The following PADI4 variants were observed in gnomAD, a reference collection of about 807,000 sequenced individuals.
The protein encoded by PADI4 is peptidyl arginine deiminase 4, also known as protein-arginine deiminase type-4.
PADI4 carries 62 observed loss-of-function variants against 75.0 expected under a neutral mutation model. The ratio of observed to expected loss-of-function variants is 0.83; its 90% CI spans 0.67 to 1.02. The LOEUF is 1.02. Among genes scored for constraint, PADI4 ranks in the 50% least tolerant of loss-of-function variants. The probability of loss-of-function intolerance (pLI) is 0.00; values close to 1 mark genes in which losing one functional copy is unlikely to be tolerated. For missense variants in PADI4, 845 were observed against 850.5 expected (o/e 0.99, Z 0.08); for synonymous variants, 361 against 348.1 (o/e 1.04, Z -0.41).
At chr1:17,332,777 G>A (rs1014248148) in intron 2 of PADI4, among the ~76,000 whole-genome samples, 8 of 152,136 alleles carry the variant, frequency 5.3e-5, no homozygotes, top group African/African-American at 1.7e-4. Context: ...TCTCCCTGGG[G>A]GAACACAGAG....
chr1:17,339,354 T>C (rs1192559672), intron 5 of PADI4, among the ~76,000 whole-genome samples: 1 of 152,186 alleles, frequency 6.6e-6, no homozygotes, highest in East Asian at 1.9e-4. Flanking sequence ...CTGCTGGTCA[T>C]TGTTCTAGGG....
intron 1 of PADI4, among the ~76,000 whole-genome samples, chr1:17,321,656 C>T (rs929269339): frequency 2.0e-5 from 3 of 152,236 alleles, no homozygotes; most frequent in African/African-American, 4.8e-5. Context: ...CTTCTGTCTA[C>T]TTCAGACCTC....
intron 1 of PADI4, among the ~76,000 whole-genome samples, chr1:17,309,689 T>C (rs1173937872): frequency 1.3e-5 from 2 of 152,200 alleles, no homozygotes; most frequent in Non-Finnish European, 2.9e-5. Flanking sequence ...GGACATTTCT[T>C]TGCTACTGCC....
intron 1 of PADI4, among the ~76,000 whole-genome samples, chr1:17,330,569 G>T (rs1359303): frequency 0.56 from 84,764 of 151,914 alleles, 23,832 homozygotes; most frequent in East Asian, 0.59. Flanking sequence ...ACTGGAGCAA[G>T]TCCCAGAGTC....
rs187357180 is a variant in PADI4, at chr1:17,322,317, A to C, written c.93-8652A>C. On this transcript the variant is annotated intron_variant, in intron 1 of 15. Transcript: ENST00000375448. ...AGCCTGACCAATATGGTGAAACCCTATCTCTACTAAAAATACAAAAAATTA... is the reference window on the plus strand; with the variant it reads ...AGCCTGACCAATATGGTGAAACCCTCTCTCTACTAAAAATACAAAAAATTA... 3.3e-5 allele frequency among the ~76,000 whole-genome samples: 5 copies of C among 152,246 alleles called. No individual in the cohort carries two copies. The East Asian group carries it at 5.8e-4, about 18-fold the overall frequency.
At chr1:17,331,691 G>A (rs1419803753) in intron 2 of PADI4, among the ~76,000 whole-genome samples, 1 of 152,138 alleles carries the variant, frequency 6.6e-6, no homozygotes, top group South Asian at 2.1e-4. Context: ...GCCGAGGCGG[G>A]TGGATCACCT....
intron 15 of PADI4, among the ~76,000 whole-genome samples, chr1:17,360,682 G>A (rs1171366223): frequency 6.6e-6 from 1 of 152,154 alleles, no homozygotes; most frequent in African/African-American, 2.4e-5. Context: ...CCTTCCCTGG[G>A]GCTCCGGGGT....
intron 1 of PADI4, among the ~76,000 whole-genome samples, chr1:17,312,946 CT>C (rs1028644759): frequency 1.3e-5 from 2 of 150,938 alleles, no homozygotes; most frequent in African/African-American, 2.4e-5. Context: ...AATCCCAACA[CT>C]TTAGGAGGCT....
chr1:17,336,207 C>A lies in PADI4; in HGVS notation c.389C>A (p.Thr130Asn), dbSNP rs1235149769. The A allele has an allele frequency of 1.2e-6, 2 of 1,613,534 alleles. No individual in the cohort carries two copies. Among genetic ancestry groups the A allele is most frequent in the Non-Finnish European group, 1.7e-6 (2 of 1,179,530 alleles). The change falls in exon 4 of 16, where the codon ACC becomes AAC. Residue 130 changes from threonine to asparagine, a missense_variant. Thr to Asn is a moderately conservative substitution (Grantham distance 65). Transcript: ENST00000375448. ...ACCCGCACCGGCAAAGTGAAGCCAA[C>A]CAGAGCTGTGAAAGATCAGGTACCA... ...DITRTGKVKP[T>N]RAVKDQRTWT...
chr1:17,362,055 G>T (rs116000944), intron 15 of PADI4, among the ~76,000 whole-genome samples: 1 of 152,094 alleles, frequency 6.6e-6, no homozygotes, highest in Non-Finnish European at 1.5e-5. Flanking sequence ...GGAGGAGAAC[G>T]TAGTGTTAAG....
At chr1:17,336,101 C>G (rs371907591) in intron 3 of PADI4, 58 bp from the exon 4 acceptor site, 2 of 1,223,886 alleles carry the variant, frequency 1.6e-6, no homozygotes, top group South Asian at 1.2e-5. Context: ...CAGGGCCAGG[C>G]TGGGTGCCCC....
chr1:17,325,283 T>A (rs1235376163), intron 1 of PADI4, among the ~76,000 whole-genome samples: 2 of 152,218 alleles, frequency 1.3e-5, no homozygotes, highest in African/African-American at 4.8e-5. Flanking sequence ...TTTGAATATT[T>A]TCTTCATAAA....
At position 17,346,252 on chromosome 1, in the gene PADI4, T is replaced by C. The variant is rs536271718; in HGVS notation, c.1047+113T>C. ...GCCTCACCGGCCACTCTTCCTTAGA[T>C]GGACAGGGAGATAGGAACCTGAGAG... On this transcript the variant is annotated intron_variant, in intron 9 of 15. Transcript: ENST00000375448. This position sits in a 1 kb window ranked among gnomAD's most constrained non-coding sequence, Gnocchi z 4.3. 7.2e-5 allele frequency: 47 copies of C among 652,138 alleles called. No individual in the cohort carries two copies. In the East Asian group the frequency reaches 1.2e-3, roughly 16 times the overall value. The allele number at this position is 652,138 out of a possible 1,614,324, so 40.4% of individuals were successfully genotyped here. A position where few individuals can be genotyped will look rare whatever the true frequency, so the allele number is the denominator to read the frequency against.
At position 17,363,524 on chromosome 1, in the gene PADI4, G is replaced by C. The variant is rs757743872; in HGVS notation, c.1761G>C (p.Val587=). The C allele has an allele frequency of 4.3e-6, 7 of 1,610,062 alleles. No individual in the cohort carries two copies. The highest frequency in any genetic ancestry group is 1.7e-4 in the Middle Eastern group (1 of 6,052). ...SKAEAFFPNM[V]NMLVLGKHLG... ...CCTGAACCCTCACTTCCCTGCAGGT[G>C]AACATGCTGGTGCTAGGGAAGCACC... Residue 587 remains valine, a splice_region_variant and synonymous_variant, in exon 16 of 16, where the codon GTG becomes GTC. Transcript: ENST00000375448.
intron 10 of PADI4, among the ~76,000 whole-genome samples, chr1:17,351,935 AGGGAGGTGATGGGAGGT>A (rs2074637082): frequency 2.8e-5 from 4 of 145,358 alleles, no homozygotes; most frequent in South Asian, 2.1e-4. Flanking sequence ...AGAGGCGGTC[AGGGAGGTGATGGGAGGT>A]GGGAGGAGAG....
Position 17,331,104 on chromosome 1 carries a change from G to C in PADI4, c.228G>C (p.Val76=). Residue 76 remains valine (V), a synonymous_variant, in exon 2 of 16, where the codon GTG becomes GTC. Coordinates refer to ENST00000375448, the MANE Select transcript of PADI4 (RefSeq NM_012387.3). The part of the protein sequence containing the change: ...STWPLDPGVE[V]TLTMKVASGS... ...GGCCCCTGGACCCTGGGGTAGAGGT[G>C]ACCCTGACGATGAAAGTGGCCAGTG... is the stretch of plus-strand genomic sequence containing the variant. The C allele has an allele frequency of 6.2e-7, 1 of 1,612,298 alleles. No individual in the cohort carries two copies. The highest frequency in any genetic ancestry group is 8.5e-7 in the Non-Finnish European group (1 of 1,179,242).
chr1:17,312,535 G>C (rs1274599159), intron 1 of PADI4, among the ~76,000 whole-genome samples: 1 of 151,716 alleles, frequency 6.6e-6, no homozygotes, highest in Non-Finnish European at 1.5e-5. Flanking sequence ...TAAGAGGTAA[G>C]TGGTTGCATT....
intron 1 of PADI4, among the ~76,000 whole-genome samples, chr1:17,328,608 C>T (rs899819249): frequency 6.6e-6 from 1 of 151,692 alleles, no homozygotes; most frequent in African/African-American, 2.4e-5. Flanking sequence ...GATCACGTCA[C>T]TGTCCTCTAC....
chr1:17,330,854 T>C, intron 1 of PADI4, 115 bp from the exon 2 acceptor site: 1 of 679,698 alleles, frequency 1.5e-6, no homozygotes, highest in Admixed American at 3.3e-5. Flanking sequence ...CATCTTTCAG[T>C]CCAAACAAGC....
Sources: gnomAD v4.1 joint callset for allele counts (sites outside exome capture counted in the v4.1 genomes callset) on GRCh38, gnomAD v4.1.1 for gene constraint, Gnocchi (gnomAD v3.1) non-coding constraint, MANE v1.5 for transcripts, NCBI Gene and HGNC (gene_info 2026-07-23, HGNC 2026-07-21) for gene names.